Variants in PRKCB observed in about 807,000 individuals in gnomAD.
The protein encoded by PRKCB is protein kinase C beta, also known as protein kinase C beta type.
PRKCB carries 13 observed loss-of-function variants against 81.5 expected under a neutral mutation model. The ratio of observed to expected loss-of-function variants is 0.16; its 90% CI spans 0.10 to 0.25. The LOEUF (loss-of-function observed/expected upper bound fraction) is 0.25, where lower values mean the gene tolerates loss of function less well. Ranked by LOEUF, PRKCB falls within the 10% of genes least tolerant of loss-of-function variation. PRKCB has a pLI of 1.00. For missense variants in PRKCB, 509 were observed against 875.7 expected, an observed-to-expected ratio of 0.58 and a Z score of 5.29; for synonymous variants, 335 against 321.4, an observed-to-expected ratio of 1.04 and a Z score of -0.45.
chr16:23,877,843 CT>C (rs148984005), intron 2 of PRKCB, among the ~76,000 whole-genome samples: 1 of 148,700 alleles, frequency 6.7e-6, no homozygotes, highest in East Asian at 2.0e-4. Context: ...TTTTTTTTTC[CT>C]TTTTTTCAAA....
intron 10 of PRKCB, among the ~76,000 whole-genome samples, chr16:24,156,061 G>A (rs1321109869): frequency 1.3e-5 from 2 of 152,110 alleles, no homozygotes; most frequent in East Asian, 3.9e-4. Flanking sequence ...TAACTCATTA[G>A]GGATTGTAAA....
At chr16:24,172,142 C>A in intron 10 of PRKCB, 128 bp from the exon 11 acceptor site, 1 of 689,028 alleles carries the variant, frequency 1.5e-6, no homozygotes, top group Non-Finnish European at 2.6e-6. Flanking sequence ...AACAGGAAGC[C>A]CAGCAAACAG....
intron 9 of PRKCB, among the ~76,000 whole-genome samples, chr16:24,144,407 T>G (rs962667595): frequency 6.6e-6 from 1 of 152,302 alleles, no homozygotes; most frequent in Admixed American, 6.5e-5. Context: ...CAAGTGATAC[T>G]CCTGCCTCAG....
At chr16:24,033,577 C>T (rs927797984) in intron 4 of PRKCB, among the ~76,000 whole-genome samples, 2 of 151,952 alleles carry the variant, frequency 1.3e-5, no homozygotes, top group East Asian at 1.9e-4. Flanking sequence ...GCTTGGCCAA[C>T]GTGGCAAAAC....
At chr16:24,155,180 A>G (rs1316752724) in intron 10 of PRKCB, among the ~76,000 whole-genome samples, 1 of 152,182 alleles carries the variant, frequency 6.6e-6, no homozygotes, top group African/African-American at 2.4e-5. Flanking sequence ...GTGGATCTAG[A>G]TGGTTCCATT....
chr16:23,940,456 A>G (rs1596480957), intron 2 of PRKCB, among the ~76,000 whole-genome samples: 2 of 152,220 alleles, frequency 1.3e-5, no homozygotes, highest in Non-Finnish European at 2.9e-5. Context: ...TGGAGTAAGA[A>G]TATAGATGAG....
chr16:24,063,032 C>T (rs899662998), intron 5 of PRKCB, among the ~76,000 whole-genome samples: 7 of 152,010 alleles, frequency 4.6e-5, no homozygotes, highest in Non-Finnish European at 1.0e-4. Flanking sequence ...AATTCCTCTG[C>T]TCTTGGCTGT....
intron 2 of PRKCB, among the ~76,000 whole-genome samples, chr16:23,884,576 C>T: frequency 6.6e-6 from 1 of 152,186 alleles, no homozygotes. Flanking sequence ...ACTCTGTCGC[C>T]TAGACTGGAA....
chr16:23,949,624 G>A (rs1964249771), intron 2 of PRKCB, among the ~76,000 whole-genome samples: 1 of 152,156 alleles, frequency 6.6e-6, no homozygotes. Context: ...TTGGGTGTTT[G>A]CTCGGTGCCA....
chr16:23,906,325 C>T lies in PRKCB; in HGVS notation c.205+68919C>T, dbSNP rs1367592131. On this transcript the variant is annotated intron_variant, in intron 2 of 16. Coordinates refer to ENST00000643927, the MANE Select transcript of PRKCB (RefSeq NM_002738.7). ...ATGTTTGAAAGCTCTATTTCTTTTT[C>T]TGTGAACTGCTTCTTCTTTTTTGCC... Among the ~76,000 whole-genome samples the T allele has an allele frequency of 9.2e-5, 14 of 152,236 alleles. No homozygotes were observed. In the South Asian group the frequency reaches 2.7e-3, roughly 29 times the overall value.
At chr16:24,059,494 C>CA (rs869268124) in intron 5 of PRKCB, among the ~76,000 whole-genome samples, 289 of 150,722 alleles carry the variant, frequency 1.9e-3, no homozygotes, top group African/African-American at 6.6e-3. Flanking sequence ...TCCATTTCTA[C>CA]AAAAAAAAAT....
chr16:24,168,622 C>T (rs946615111), intron 10 of PRKCB, among the ~76,000 whole-genome samples: 1 of 136,580 alleles, frequency 7.3e-6, no homozygotes, highest in South Asian at 2.4e-4. Flanking sequence ...ACCACCATGG[C>T]TCACTATAGC....
At chr16:24,025,664 C>T (rs925338140) in intron 3 of PRKCB, among the ~76,000 whole-genome samples, 1 of 152,184 alleles carries the variant, frequency 6.6e-6, no homozygotes. Context: ...AAAGCAGAAG[C>T]TCTTTTGTTC....
At position 24,219,007 on chromosome 16, in the gene PRKCB, C is replaced by T. The variant is rs904613353; in HGVS notation, c.*4191C>T. The T allele has an allele frequency of 2.9e-5, 29 of 985,096 alleles. No homozygotes were observed. The African/African-American group carries it at 4.7e-4, about 16-fold the overall frequency. The allele number at this position is 985,096 out of a possible 1,614,324, so 61.0% of individuals were successfully genotyped here. ...ATGTCATATATAGGAGGTGAGGACT[C>T]CAGCTCCACCTGCCCCAGGTGGGTG... On this transcript the variant is annotated 3_prime_UTR_variant, in exon 17 of 17. Transcript: ENST00000643927.
In PRKCB at chr16:24,129,548, C is replaced by T. The variant is rs868784514; in HGVS notation, c.1065+5567C>T. Among the ~76,000 whole-genome samples the T allele has an allele frequency of 1.8e-3, 257 of 140,314 alleles. 1 individual carries two copies. Among genetic ancestry groups the T allele is most frequent in the African/African-American group, 6.6e-3 (230 of 34,702 alleles). The allele number at this position is 140,314 out of a possible 152,430, so 92.1% of individuals were successfully genotyped here. ...CTATCTATCTATCTATCTATCTATC[C>T]ATCTGTCTATCTAATCTATCATCTA... On this transcript the variant is annotated intron_variant, in intron 9 of 16. Transcript: ENST00000643927.
chr16:23,944,196 A>G (rs147501419), intron 2 of PRKCB, among the ~76,000 whole-genome samples: 588 of 152,324 alleles, frequency 3.9e-3, no homozygotes, highest in Middle Eastern at 6.8e-3. Context: ...GTAAGATGTG[A>G]TACTAACATA....
chr16:23,870,266 CT>C (rs746071923), intron 2 of PRKCB, among the ~76,000 whole-genome samples: 1 of 152,310 alleles, frequency 6.6e-6, no homozygotes, highest in Middle Eastern at 3.4e-3. Flanking sequence ...TGAGTGTCAT[CT>C]GTATTCCATA....
chr16:24,066,379 C>T (rs1484027877), intron 5 of PRKCB, among the ~76,000 whole-genome samples: 1 of 152,152 alleles, frequency 6.6e-6, no homozygotes, highest in Non-Finnish European at 1.5e-5. Flanking sequence ...CTTCTAACTG[C>T]TTCCAATCTG....
intron 2 of PRKCB, among the ~76,000 whole-genome samples, chr16:23,936,194 G>A (rs374835948): frequency 2.1e-5 from 3 of 142,458 alleles, no homozygotes; most frequent in African/African-American, 7.7e-5. Context: ...TCTCCACCTT[G>A]TTTTTTTTTT....
Sources: allele counts gnomAD v4.1 joint callset (sites outside exome capture counted in the v4.1 genomes callset), GRCh38; gene constraint gnomAD v4.1.1; transcripts MANE v1.5; gene names NCBI Gene and HGNC (gene_info 2026-07-23, HGNC 2026-07-21).